The following CAAP1 variants were observed in gnomAD, a reference collection of about 807,000 sequenced individuals.
CAAP1 encodes the protein conserved anti-apoptotic protein.
Under a neutral mutation model 34.0 loss-of-function variants are expected in CAAP1, and 20 were observed. That is an observed-to-expected ratio of 0.59 (90% CI 0.41 to 0.86). CAAP1 has a LOEUF of 0.86. Ranked by LOEUF, CAAP1 falls within the 40% of genes least tolerant of loss-of-function variation. CAAP1 has a pLI of 0.00. For synonymous variants in CAAP1, 213 were observed against 166.7 expected (o/e 1.28, Z -2.14); for missense variants, 538 against 450.5 (o/e 1.19, Z -1.76).
intron 5 of CAAP1, among the ~76,000 whole-genome samples, chr9:26,853,659 G>T (rs1226574130): frequency 6.6e-6 from 1 of 152,136 alleles, no homozygotes; most frequent in Non-Finnish European, 1.5e-5. Context: ...AATGGCTGCT[G>T]GCAATAATTC....
rs182448672 is a variant in CAAP1 at position 26,884,307 on chromosome 9, A to T, written c.665+503T>A. Among the ~76,000 whole-genome samples, 82 of 152,116 alleles carry T rather than the reference A, an allele frequency of 5.4e-4. 1 individual carries two copies. In the East Asian group the frequency reaches 0.015, roughly 29 times the overall value. ...TAGTCAGCATCCCAAAACTTCAGGT[A>T]TTTTTTTTATCATCCCGACAGTCAA... On this transcript the variant is annotated intron_variant, in intron 4 of 5. Transcript: ENST00000333916.
intron 4 of CAAP1, among the ~76,000 whole-genome samples, chr9:26,875,842 T>C (rs543124870): frequency 6.6e-6 from 1 of 152,290 alleles, no homozygotes; most frequent in South Asian, 2.1e-4. Context: ...TCCTTTGGAA[T>C]GTTGGAAACA....
At chr9:26,875,537 T>A (rs1167736343) in intron 4 of CAAP1, among the ~76,000 whole-genome samples, 1 of 152,240 alleles carries the variant, frequency 6.6e-6, no homozygotes, top group Non-Finnish European at 1.5e-5. Context: ...TATTTGAAAT[T>A]ATTTTTCTTC....
chr9:26,892,424 A>C lies in CAAP1; in HGVS notation c.292T>G (p.Ser98Ala), dbSNP rs781093180. Residue 98 changes from serine (S) to alanine (A), a missense_variant, in exon 1 of 6, where the codon TCC becomes GCC. Coordinates refer to ENST00000333916, the MANE Select transcript of CAAP1 (RefSeq NM_024828.4). ...RSTDSSSVSG[S>A]LQQETKYILP... ...GGGCGCGCACGCACCTGCTGCAAGG[A>C]GCCCGAGACGCTGGAAGAGTCGGTA... 1 of 1,604,634 alleles carries C rather than the reference A, an allele frequency of 6.2e-7. No individual in the cohort carries two copies. Among genetic ancestry groups the C allele is most frequent in the East Asian group, 2.2e-5 (1 of 44,602 alleles).
In CAAP1 at chr9:26,884,898, A is replaced by C. The variant is rs758367295; in HGVS notation, c.590-13T>G. The C allele has an allele frequency of 3.2e-6, 5 of 1,573,104 alleles. No homozygotes were observed. Among genetic ancestry groups the C allele is most frequent in the Non-Finnish European group, 4.3e-6 (5 of 1,150,330 alleles). On this transcript the variant is annotated splice_polypyrimidine_tract_variant and intron_variant, in intron 3 of 5. Transcript: ENST00000333916. Reference sequence around the variant, plus strand: ...ATTCCATTGTCACCTTATAAATGAAAGAAACTATTGAAAGCACACTTATAA... The same window carrying C: ...ATTCCATTGTCACCTTATAAATGAACGAAACTATTGAAAGCACACTTATAA...
intron 1 of CAAP1, among the ~76,000 whole-genome samples, chr9:26,891,838 T>C (rs531199570): frequency 6.6e-6 from 1 of 152,338 alleles, no homozygotes; most frequent in East Asian, 1.9e-4. Flanking sequence ...ATTGAATGAA[T>C]TTAAAGTACC....
intron 1 of CAAP1, among the ~76,000 whole-genome samples, chr9:26,891,745 G>C (rs1823907463): frequency 6.6e-6 from 1 of 152,174 alleles, no homozygotes; most frequent in Non-Finnish European, 1.5e-5. Flanking sequence ...CGTATCTCAC[G>C]AGGAGTGATT....
chr9:26,842,821 G>T (rs1373323865), intron 5 of CAAP1, among the ~76,000 whole-genome samples, 174 bp from the exon 6 acceptor site: 1 of 152,138 alleles, frequency 6.6e-6, no homozygotes, highest in South Asian at 2.1e-4. Context: ...CTTCAAAGCA[G>T]ATCTAATGTA....
At chr9:26,892,143 A>C in intron 1 of CAAP1, 1 of 826,618 alleles carries the variant, frequency 1.2e-6, no homozygotes, top group East Asian at 3.2e-5. Context: ...GGCAGAGTGA[A>C]ACCATAGGAG....
At chr9:26,853,828 T>G (rs762073122) in intron 5 of CAAP1, among the ~76,000 whole-genome samples, 9 of 152,172 alleles carry the variant, frequency 5.9e-5, no homozygotes, top group Admixed American at 3.9e-4. Context: ...CAGATACAGA[T>G]AGATATGAAA....
At position 26,842,519 on chromosome 9, in the gene CAAP1, G is replaced by C; in HGVS notation, c.868C>G (p.Gln290Glu). The C allele has an allele frequency of 6.2e-7, 1 of 1,614,130 alleles. No individual in the cohort carries two copies. Reference protein sequence around the residue: ...PENTVQSEAGQIDDLEKDIEK... With the variant: ...PENTVQSEAGEIDDLEKDIEK... ...ATGTCTTTCTCCAGGTCATCTATCT[G>C]ACCAGCTTCACTTTGGACTGTATTT... is the stretch of plus-strand genomic sequence containing the variant. Residue 290 changes from glutamine (Q) to glutamate (E), a missense_variant, in exon 6 of 6, where the codon CAG (glutamine) becomes GAG (glutamate). By Grantham distance (29) the Gln-to-Glu change is conservative. Around this residue, in one of 3 missense-constraint regions of CAAP1, gnomAD observed 514 missense variants for 408.4 expected, o/e 1.26. Transcript: ENST00000333916.
At chr9:26,887,219 C>T in intron 2 of CAAP1, 94 bp downstream of exon 2, 1 of 801,894 alleles carries the variant, frequency 1.2e-6, no homozygotes, top group Non-Finnish European at 1.9e-6. Flanking sequence ...CTCAAAAAAA[C>T]AAACAAACAA....
chr9:26,891,611 TAATAC>T (rs1342931701), intron 1 of CAAP1, among the ~76,000 whole-genome samples: 2 of 152,124 alleles, frequency 1.3e-5, no homozygotes, highest in Non-Finnish European at 2.9e-5. Flanking sequence ...CAGAAAAATA[TAATAC>T]AATACCAGGC....
chr9:26,859,807 G>A (rs1822964989), intron 5 of CAAP1, among the ~76,000 whole-genome samples: 1 of 152,114 alleles, frequency 6.6e-6, no homozygotes, highest in African/African-American at 2.4e-5. Context: ...CAGGACTTTT[G>A]AAAAGCAATG....
intron 4 of CAAP1, among the ~76,000 whole-genome samples, chr9:26,864,536 G>A (rs976627774): frequency 1.3e-5 from 2 of 152,078 alleles, no homozygotes; most frequent in Admixed American, 6.5e-5. Flanking sequence ...CAAACGATCA[G>A]TTACCACACC....
intron 5 of CAAP1, among the ~76,000 whole-genome samples, chr9:26,857,675 T>C (rs1822905628): frequency 6.6e-6 from 1 of 151,732 alleles, no homozygotes; most frequent in Admixed American, 6.6e-5. Context: ...AACAGAAGAG[T>C]TTCTGTTTTA....
intron 2 of CAAP1, among the ~76,000 whole-genome samples, chr9:26,887,068 C>T (rs768621364): frequency 1.3e-5 from 2 of 151,978 alleles, no homozygotes; most frequent in Non-Finnish European, 2.9e-5. Context: ...AAAAATTAGC[C>T]GGGCATGGTG....
intron 3 of CAAP1, among the ~76,000 whole-genome samples, chr9:26,885,378 T>C (rs867441420): frequency 2.6e-5 from 4 of 152,068 alleles, no homozygotes; most frequent in East Asian, 1.9e-4. Flanking sequence ...CCCGGCCTCA[T>C]TGACTTCTTT....
Position 26,842,469 on chromosome 9 carries a change from T to C in CAAP1, c.918A>G (p.Leu306=), listed in dbSNP as rs1465347011. The C allele has an allele frequency of 6.2e-7, 1 of 1,614,050 alleles. No individual in the cohort carries two copies. Among genetic ancestry groups the C allele is most frequent in the Non-Finnish European group, 8.5e-7 (1 of 1,180,036 alleles). The part of the protein sequence containing the change: ...KDIEKSVNEI[L]GLAESSPNEP... ...CGTTTGGGCTAGACTCTGCCAGTCC[T>C]AGAATCTCATTCACACTTTTCTCAA... is the stretch of plus-strand genomic sequence containing the variant. The change falls in exon 6 of 6, where the codon CTA becomes CTG. Residue 306 remains leucine, a synonymous_variant. Coordinates refer to ENST00000333916, the MANE Select transcript of CAAP1 (RefSeq NM_024828.4).
Sources: gnomAD v4.1 joint callset for allele counts (sites outside exome capture counted in the v4.1 genomes callset) on GRCh38, gnomAD v4.1.1 for gene constraint, gnomAD v4.1.1 regional missense constraint, MANE v1.5 for transcripts, NCBI Gene and HGNC (gene_info 2026-07-23, HGNC 2026-07-21) for gene names.